ROBO2: variants seen among roughly 807,000 people sequenced by gnomAD.
The protein encoded by ROBO2 is roundabout guidance receptor 2.
ROBO2 carries 53 observed loss-of-function variants against 160.8 expected under a neutral mutation model. The ratio of observed to expected loss-of-function variants is 0.33; its 90% CI spans 0.26 to 0.41. ROBO2 has a LOEUF of 0.41. Among genes scored for constraint, ROBO2 ranks in the 10% least tolerant of loss-of-function variants. The probability of loss-of-function intolerance (pLI) is 1.00; values close to 1 mark genes in which losing one functional copy is unlikely to be tolerated. For synonymous variants in ROBO2, 664 were observed against 611.7 expected, an observed-to-expected ratio of 1.09 and a Z score of -1.26; for missense variants, 1,577 against 1,722.4, an observed-to-expected ratio of 0.92 and a Z score of 1.49.
chr3:76,093,176 A>G (rs1382946577), intron 2 of ROBO2, among the ~76,000 whole-genome samples: 1 of 152,126 alleles, frequency 6.6e-6, no homozygotes, highest in African/African-American at 2.4e-5. Flanking sequence ...TGTGAATGAT[A>G]CATATTTTAC....
At chr3:76,409,016 A>G (rs1483711262) in intron 2 of ROBO2, among the ~76,000 whole-genome samples, 2 of 152,092 alleles carry the variant, frequency 1.3e-5, no homozygotes, top group Non-Finnish European at 2.9e-5. Flanking sequence ...TGGGGTATTA[A>G]TATGTGAATG....
intron 12 of ROBO2, among the ~76,000 whole-genome samples, chr3:77,565,756 TTTTC>T (rs1028726369): frequency 6.6e-6 from 1 of 152,046 alleles, no homozygotes; most frequent in African/African-American, 2.4e-5. Flanking sequence ...GGAAATCAAG[TTTTC>T]TTTCTAAAGA....
chr3:76,499,014 G>A (rs2080315701), intron 2 of ROBO2, among the ~76,000 whole-genome samples: 1 of 152,106 alleles, frequency 6.6e-6, no homozygotes, highest in East Asian at 1.9e-4. Context: ...GCATGAGTCT[G>A]TATACACCCC....
chr3:76,829,516 C>T (rs1009510994), intron 2 of ROBO2, among the ~76,000 whole-genome samples: 9 of 151,948 alleles, frequency 5.9e-5, no homozygotes, highest in Non-Finnish European at 1.3e-4. Context: ...CCTTGCATGA[C>T]ACTCCCAGTA....
At chr3:77,152,237 G>C (rs1439758476) in intron 2 of ROBO2, among the ~76,000 whole-genome samples, 1 of 152,044 alleles carries the variant, frequency 6.6e-6, no homozygotes, top group African/African-American at 2.4e-5. Flanking sequence ...GAAGTACAAT[G>C]TAAGCCATAT....
intron 2 of ROBO2, among the ~76,000 whole-genome samples, chr3:76,763,389 C>T (rs1026770095): frequency 6.6e-6 from 1 of 151,664 alleles, no homozygotes; most frequent in African/African-American, 2.4e-5. Context: ...CTACCATGTG[C>T]CAGCCAATGT....
At chr3:76,952,433 C>T (rs769637434) in intron 2 of ROBO2, among the ~76,000 whole-genome samples, 14 of 152,076 alleles carry the variant, frequency 9.2e-5, no homozygotes, top group Non-Finnish European at 4.4e-5. Flanking sequence ...CAGGCATCTG[C>T]CACCATGCCC....
At chr3:76,815,726 C>T (rs1047639122) in intron 2 of ROBO2, among the ~76,000 whole-genome samples, 25 of 151,956 alleles carry the variant, frequency 1.6e-4, no homozygotes, top group African/African-American at 5.6e-4. Context: ...AAATGTCAAA[C>T]ATGCACATAC....
In ROBO2 at chr3:76,834,761, T is replaced by G. The variant is rs1255781462; in HGVS notation, c.110-263253T>G. Among the ~76,000 whole-genome samples the G allele has an allele frequency of 2.0e-5, 3 of 152,188 alleles. No individual in the cohort carries two copies. The East Asian group carries it at 5.8e-4, about 29-fold the overall frequency. On this transcript the variant is annotated intron_variant, in intron 2 of 26. Coordinates refer to the ROBO2 transcript ENST00000487694. ...AAATGATTCTCTTAAGTTCTGGGAT[T>G]ACAGAATTTAAGGAGTAAATAGCTA...
chr3:77,130,724 G>A (rs138355764), intron 2 of ROBO2, among the ~76,000 whole-genome samples: 1 of 152,192 alleles, frequency 6.6e-6, no homozygotes, highest in East Asian at 1.9e-4. Context: ...TCAATGCTTG[G>A]TATATATGTA....
At chr3:76,396,963 G>GA (rs942241694) in intron 2 of ROBO2, among the ~76,000 whole-genome samples, 3 of 152,006 alleles carry the variant, frequency 2.0e-5, no homozygotes, top group African/African-American at 2.4e-5. Context: ...CACAGAATTG[G>GA]AAAAAACTAC....
At chr3:75,977,544 A>G (rs979517371) in intron 2 of ROBO2, among the ~76,000 whole-genome samples, 3 of 151,554 alleles carry the variant, frequency 2.0e-5, no homozygotes, top group Non-Finnish European at 4.4e-5. Flanking sequence ...TCTTTCTACC[A>G]TATTTTATAC....
rs2069677337 is a variant in ROBO2, at chr3:76,101,418, C to G, written c.109+163816C>G. ...ATATAAAAACATTGAATTTGCAACA[C>G]TAAAAGGGAGATGTCAAATATAAAG... On this transcript the variant is annotated intron_variant, in intron 2 of 26. Coordinates refer to the ROBO2 transcript ENST00000487694. 2.0e-5 allele frequency among the ~76,000 whole-genome samples: 3 copies of G among 152,072 alleles called. No homozygotes were observed. In the South Asian group the frequency reaches 6.2e-4, roughly 32 times the overall value.
chr3:76,955,015 G>A (rs1011451228), intron 2 of ROBO2, among the ~76,000 whole-genome samples: 4 of 152,094 alleles, frequency 2.6e-5, no homozygotes, highest in Non-Finnish European at 5.9e-5. Flanking sequence ...CCATTAGGTA[G>A]TAACTCCCTA....
At chr3:76,137,634 G>A (rs549504967) in intron 2 of ROBO2, among the ~76,000 whole-genome samples, 1 of 151,542 alleles carries the variant, frequency 6.6e-6, no homozygotes, top group African/African-American at 2.4e-5. Flanking sequence ...TCCTAAAAGG[G>A]TAAAGGGTTT....
intron 20 of ROBO2, among the ~76,000 whole-genome samples, chr3:77,604,993 C>T (rs1398591929): frequency 6.6e-6 from 1 of 151,336 alleles, no homozygotes; most frequent in Non-Finnish European, 1.5e-5. Context: ...TGGTGAAACC[C>T]CATCTCTGAA....
chr3:76,105,594 G>A (rs1045352685), intron 2 of ROBO2, among the ~76,000 whole-genome samples: 12 of 152,114 alleles, frequency 7.9e-5, no homozygotes, highest in African/African-American at 2.7e-4. Context: ...GAAGTCAGGT[G>A]GATACAGATA....
At chr3:76,087,043 A>G (rs973644373) in intron 2 of ROBO2, among the ~76,000 whole-genome samples, 3 of 152,042 alleles carry the variant, frequency 2.0e-5, no homozygotes, top group Non-Finnish European at 4.4e-5. Context: ...GAAATGTGAA[A>G]CAACTAAAAA....
In ROBO2 at chr3:76,899,083, ATTC is replaced by A. The variant is rs1385384780; in HGVS notation, c.110-198926_110-198924del. Among the ~76,000 whole-genome samples, 5 of 152,204 alleles carry A rather than the reference ATTC, an allele frequency of 3.3e-5. No homozygotes were observed. In the East Asian group the frequency reaches 7.7e-4, roughly 24 times the overall value. On this transcript the variant is annotated intron_variant, in intron 2 of 26. Coordinates refer to the ROBO2 transcript ENST00000487694. ...TACCGGATGTAGAATGTACACAACA[ATTC>A]TTCTGCTTTCTCCAAATGGAAAATC...
Sources: gnomAD v4.1 joint callset for allele counts (sites outside exome capture counted in the v4.1 genomes callset) on GRCh38, gnomAD v4.1.1 for gene constraint, MANE v1.5 for transcripts, NCBI Gene and HGNC (gene_info 2026-07-23, HGNC 2026-07-21) for gene names.